The following CNTN4 variants were observed in gnomAD, a reference collection of about 807,000 sequenced individuals.
CNTN4 encodes contactin 4, also known as contactin-4.
CNTN4 carries 77 observed loss-of-function variants against 122.5 expected under a neutral mutation model. The observed-to-expected ratio is 0.63, with a 90% CI of 0.52 to 0.76. The LOEUF (loss-of-function observed/expected upper bound fraction) is 0.76. Among genes scored for constraint, CNTN4 ranks in the 30% least tolerant of loss-of-function variants. The probability of loss-of-function intolerance (pLI) is 0.00; values close to 1 mark genes in which losing one functional copy is unlikely to be tolerated. For missense variants in CNTN4, 1,256 were observed against 1,259.1 expected (o/e 1.00, Z 0.04); for synonymous variants, 512 against 447.0 (o/e 1.15, Z -1.83).
intron 4 of CNTN4, among the ~76,000 whole-genome samples, chr3:2,602,692 C>T (rs1159109708): frequency 6.6e-6 from 1 of 152,152 alleles, no homozygotes; most frequent in Non-Finnish European, 1.5e-5. Context: ...TCAATGTCAT[C>T]CCCATCAAGC....
chr3:2,919,189 C>CAAAAAAA (rs72363068), intron 12 of CNTN4, among the ~76,000 whole-genome samples: 30 of 138,002 alleles, frequency 2.2e-4, no homozygotes, highest in African/African-American at 6.8e-4. Context: ...ACTAAAAATA[C>CAAAAAAA]AAAAAAAAAA....
At chr3:2,946,857 C>T (rs1049420831) in intron 13 of CNTN4, among the ~76,000 whole-genome samples, 1 of 152,008 alleles carries the variant, frequency 6.6e-6, no homozygotes, top group African/African-American at 2.4e-5. Context: ...AAGTGCACAC[C>T]ACCATGCCCA....
chr3:2,711,505 A>G (rs181877819), intron 4 of CNTN4, among the ~76,000 whole-genome samples: 106 of 152,294 alleles, frequency 7.0e-4, no homozygotes, highest in African/African-American at 2.3e-3. Context: ...CAAATTCCCT[A>G]CTTTTCTGAA....
chr3:2,609,368 C>T (rs2081387694), intron 4 of CNTN4, among the ~76,000 whole-genome samples: 1 of 152,154 alleles, frequency 6.6e-6, no homozygotes, highest in African/African-American at 2.4e-5. Flanking sequence ...AGTGAGTGGG[C>T]CCTCACCAGA....
At chr3:2,998,378 A>G (rs1442207576) in intron 14 of CNTN4, among the ~76,000 whole-genome samples, 2 of 152,186 alleles carry the variant, frequency 1.3e-5, no homozygotes, top group Non-Finnish European at 2.9e-5. Flanking sequence ...AAATAAATGC[A>G]TATTCCTGGA....
intron 4 of CNTN4, among the ~76,000 whole-genome samples, chr3:2,687,397 G>A (rs1026888233): frequency 6.5e-5 from 6 of 92,216 alleles, no homozygotes; most frequent in African/African-American, 1.2e-4. Context: ...ACTGTGGCTC[G>A]TGCCTGCAAT....
intron 3 of CNTN4, among the ~76,000 whole-genome samples, chr3:2,368,466 G>A (rs2045499991): frequency 6.6e-6 from 1 of 152,028 alleles, no homozygotes; most frequent in African/African-American, 2.4e-5. Context: ...ACTTGAACCT[G>A]CCTTTCTTTA....
At chr3:2,880,123 A>G (rs1468687811) in intron 8 of CNTN4, among the ~76,000 whole-genome samples, 1 of 152,210 alleles carries the variant, frequency 6.6e-6, no homozygotes, top group Non-Finnish European at 1.5e-5. Context: ...AGTTCTTTCA[A>G]ACAAGGTTGT....
At chr3:2,632,754 A>G (rs901746455) in intron 4 of CNTN4, among the ~76,000 whole-genome samples, 4 of 152,028 alleles carry the variant, frequency 2.6e-5, no homozygotes, top group Non-Finnish European at 5.9e-5. Context: ...AATAATTCTC[A>G]TGACACTGCA....
At chr3:2,563,770 A>G (rs1417009059) in intron 3 of CNTN4, among the ~76,000 whole-genome samples, 2 of 152,164 alleles carry the variant, frequency 1.3e-5, no homozygotes. Flanking sequence ...CAAATAAATA[A>G]TACTTATTAA....
chr3:2,539,609 C>A (rs544532699), intron 3 of CNTN4, among the ~76,000 whole-genome samples: 1 of 152,034 alleles, frequency 6.6e-6, no homozygotes, highest in Non-Finnish European at 1.5e-5. Flanking sequence ...TGACTCTTTG[C>A]CCTTTACCAC....
At chr3:2,573,000 T>C (rs1259644630) in intron 4 of CNTN4, among the ~76,000 whole-genome samples, 1 of 152,224 alleles carries the variant, frequency 6.6e-6, no homozygotes, top group African/African-American at 2.4e-5. Context: ...TTATCATTTA[T>C]TTCACTGTAT....
rs1286638701 is a variant in CNTN4, at chr3:2,664,093, A to T, written c.56-72122A>T. Among the ~76,000 whole-genome samples, 7 of 152,326 alleles carry T rather than the reference A, an allele frequency of 4.6e-5. No individual in the cohort carries two copies. The East Asian group carries it at 1.3e-3, about 29-fold the overall frequency. On this transcript the variant is annotated intron_variant, in intron 4 of 24. Transcript: ENST00000418658. ...AAATATTGTAAATTTGATTGTGATG[A>T]TGGCTATACAACTTTGTGAATGTAC...
At chr3:2,356,718 A>T (rs956266726) in intron 3 of CNTN4, among the ~76,000 whole-genome samples, 1 of 152,118 alleles carries the variant, frequency 6.6e-6, no homozygotes, top group Admixed American at 6.6e-5. Flanking sequence ...CCCAGCCCCT[A>T]TTCAAGATGG....
chr3:2,574,202 G>C (rs952614519), intron 4 of CNTN4, among the ~76,000 whole-genome samples: 4 of 151,674 alleles, frequency 2.6e-5, no homozygotes, highest in African/African-American at 9.8e-5. Flanking sequence ...GGCAACAAGA[G>C]TGAAACTCCA....
chr3:2,495,729 G>A (rs980251862), intron 3 of CNTN4, among the ~76,000 whole-genome samples: 1 of 152,160 alleles, frequency 6.6e-6, no homozygotes, highest in Non-Finnish European at 1.5e-5. Flanking sequence ...TGACCTGAGG[G>A]GGAACAGTTT....
At chr3:2,443,148 T>TAAAA (rs10576200) in intron 3 of CNTN4, among the ~76,000 whole-genome samples, 1 of 139,876 alleles carries the variant, frequency 7.1e-6, no homozygotes, top group East Asian at 2.1e-4. Context: ...AAATAAAAGT[T>TAAAA]AAAAAAAAAA....
intron 6 of CNTN4, among the ~76,000 whole-genome samples, chr3:2,774,774 C>G (rs147967116): frequency 6.6e-6 from 1 of 152,150 alleles, no homozygotes; most frequent in Non-Finnish European, 1.5e-5. Flanking sequence ...CTGTATCCCA[C>G]GAGACAACAT....
intron 3 of CNTN4, among the ~76,000 whole-genome samples, chr3:2,458,151 C>A (rs1192107083): frequency 6.6e-6 from 1 of 152,124 alleles, no homozygotes; most frequent in Non-Finnish European, 1.5e-5. Flanking sequence ...CACTCTCCTG[C>A]TCAGTATAAT....
Sources: allele counts gnomAD v4.1 joint callset (sites outside exome capture counted in the v4.1 genomes callset), GRCh38; gene constraint gnomAD v4.1.1; transcripts MANE v1.5; gene names NCBI Gene and HGNC (gene_info 2026-07-23, HGNC 2026-07-21).